The following SYT16 variants were observed in gnomAD, a reference collection of about 807,000 sequenced individuals.
SYT16 encodes synaptotagmin-16.
A neutral mutation model predicts 61.4 loss-of-function variants in SYT16; 42 were observed. The observed-to-expected ratio is 0.68, with a 90% CI of 0.53 to 0.89. The LOEUF (loss-of-function observed/expected upper bound fraction) is 0.89, where lower values mean the gene tolerates loss of function less well. Ranked by LOEUF, SYT16 falls within the 40% of genes least tolerant of loss-of-function variation. SYT16 has a pLI of 0.00. For missense variants in SYT16, 804 were observed against 807.3 expected (o/e 1.00, Z 0.05); for synonymous variants, 314 against 302.3 (o/e 1.04, Z -0.40).
At chr14:61,984,059 A>G (rs1014883053) in intron 2 of SYT16, among the ~76,000 whole-genome samples, 14 of 152,180 alleles carry the variant, frequency 9.2e-5, no homozygotes, top group Non-Finnish European at 1.9e-4. Context: ...ATAGCATTAC[A>G]AGACATTACA....
chr14:62,087,031 T>C (rs1311260975), intron 7 of SYT16, among the ~76,000 whole-genome samples: 1 of 152,214 alleles, frequency 6.6e-6, no homozygotes, highest in East Asian at 1.9e-4. Flanking sequence ...ATGGACCTCT[T>C]GGGATTTTCA....
chr14:61,939,641 T>C (rs1252942240), intron 1 of SYT16, among the ~76,000 whole-genome samples: 2 of 152,236 alleles, frequency 1.3e-5, no homozygotes, highest in Admixed American at 6.5e-5. Context: ...GGGCCCACTT[T>C]TAAGCCCTCA....
intron 1 of SYT16, among the ~76,000 whole-genome samples, chr14:61,912,556 T>C (rs772076762): frequency 6.6e-6 from 1 of 152,264 alleles, no homozygotes; most frequent in Non-Finnish European, 1.5e-5. Flanking sequence ...CCTTTTACTC[T>C]AATCCTTTAT....
At chr14:62,112,560 G>A (rs1466962263), downstream of SYT16, 4 of 152,068 alleles carry the variant, frequency 2.6e-5, no homozygotes, top group Admixed American at 1.3e-4. Flanking sequence ...ATGTACATGT[G>A]TGAAAATTTT....
intron 1 of SYT16, among the ~76,000 whole-genome samples, chr14:61,926,311 A>T (rs2049535907): frequency 6.6e-6 from 1 of 152,138 alleles, no homozygotes; most frequent in Non-Finnish European, 1.5e-5. Context: ...TTTAGTTTTT[A>T]TTGCCACCCC....
chr14:62,089,694 A>T (rs2057007724), intron 7 of SYT16, among the ~76,000 whole-genome samples: 2 of 152,198 alleles, frequency 1.3e-5, no homozygotes, highest in South Asian at 4.1e-4. Context: ...GTGATGTCTC[A>T]TTTACTACAC....
At chr14:61,911,650 T>C (rs1256681372) in intron 1 of SYT16, among the ~76,000 whole-genome samples, 1 of 152,184 alleles carries the variant, frequency 6.6e-6, no homozygotes, top group East Asian at 1.9e-4. Flanking sequence ...AAAATCAATA[T>C]CTAAGAGGTT....
At chr14:61,813,906 C>T (rs2045347704) in intron 1 of SYT16, among the ~76,000 whole-genome samples, 2 of 150,942 alleles carry the variant, frequency 1.3e-5, no homozygotes, top group African/African-American at 4.9e-5. Flanking sequence ...AAACAATCAT[C>T]CCAGCCAAGA....
intron 7 of SYT16, among the ~76,000 whole-genome samples, chr14:62,088,275 A>G (rs2056955362): frequency 6.6e-6 from 1 of 152,238 alleles, no homozygotes; most frequent in African/African-American, 2.4e-5. Flanking sequence ...AATAAAAAGT[A>G]ATAAAATTAA....
At chr14:61,834,048 A>T in intron 1 of SYT16, among the ~76,000 whole-genome samples, 1 of 139,836 alleles carries the variant, frequency 7.2e-6, no homozygotes, top group African/African-American at 2.7e-5. Context: ...TATTGGTTAT[A>T]TTTTATTTAG....
Position 62,100,931 on chromosome 14 carries a change from T to C in SYT16, c.*224T>C. ...CAGTGAAGTGTCCGTATGGAAAATA[T>C]TATACCACAATTAAGACCACTGATG... is the stretch of plus-strand genomic sequence containing the variant. On this transcript the variant is annotated 3_prime_UTR_variant, in exon 8 of 8. Coordinates refer to ENST00000683842, the MANE Select transcript of SYT16 (RefSeq NM_001367656.1). 1 of 507,424 alleles carries C rather than the reference T, an allele frequency of 2.0e-6. No individual in the cohort carries two copies. The allele number at this position is 507,424 out of a possible 1,614,324, so 31.4% of individuals were successfully genotyped here. A position where few individuals can be genotyped will look rare whatever the true frequency, so the allele number is the denominator to read the frequency against.
At chr14:62,022,064 G>A (rs1408951690) in intron 3 of SYT16, among the ~76,000 whole-genome samples, 1 of 151,124 alleles carries the variant, frequency 6.6e-6, no homozygotes. Flanking sequence ...TTAAGGAGTG[G>A]GAGACAATCT....
intron 2 of SYT16, among the ~76,000 whole-genome samples, chr14:61,984,001 C>A (rs1406413353): frequency 6.6e-6 from 1 of 152,162 alleles, no homozygotes; most frequent in East Asian, 1.9e-4. Context: ...AGGGCATAAA[C>A]CCTTTGAATG....
At chr14:61,823,299 T>A (rs573814065) in intron 1 of SYT16, among the ~76,000 whole-genome samples, 19 of 152,244 alleles carry the variant, frequency 1.2e-4, no homozygotes, top group African/African-American at 3.4e-4. Flanking sequence ...CCTATTTTTT[T>A]ATTTTTAATT....
At chr14:61,879,562 C>T (rs762258532) in intron 1 of SYT16, among the ~76,000 whole-genome samples, 15 of 152,134 alleles carry the variant, frequency 9.9e-5, no homozygotes, top group Admixed American at 7.2e-4. Context: ...CACCAGTAAA[C>T]GGCACCATCT....
chr14:61,953,765 G>A (rs1369889091), intron 1 of SYT16, among the ~76,000 whole-genome samples: 1 of 152,150 alleles, frequency 6.6e-6, no homozygotes, highest in Non-Finnish European at 1.5e-5. Flanking sequence ...AACCTGAGTG[G>A]TAGACAGCTG....
chr14:61,863,183 T>G (rs76933113), intron 1 of SYT16, among the ~76,000 whole-genome samples: 20,372 of 152,192 alleles, frequency 0.13, 1,490 homozygotes, highest in African/African-American at 0.19. Flanking sequence ...GTTTAGTTTG[T>G]TAAGAAACTT....
intron 1 of SYT16, among the ~76,000 whole-genome samples, chr14:61,840,177 GAAGAT>G (rs2046261478): frequency 1.3e-5 from 2 of 152,198 alleles, no homozygotes; most frequent in Non-Finnish European, 2.9e-5. Flanking sequence ...CATTGAGACA[GAAGAT>G]AAGAGAAGAA....
intron 1 of SYT16, among the ~76,000 whole-genome samples, chr14:61,916,218 A>AGG (rs2049114916): frequency 6.6e-6 from 1 of 152,186 alleles, no homozygotes; most frequent in Non-Finnish European, 1.5e-5. Flanking sequence ...TTTGTGGAGC[A>AGG]AAATTTGGAT....
Sources: allele counts gnomAD v4.1 joint callset (sites outside exome capture counted in the v4.1 genomes callset), GRCh38; gene constraint gnomAD v4.1.1; transcripts MANE v1.5; gene names NCBI Gene and HGNC (gene_info 2026-07-23, HGNC 2026-07-21).